Variants in NDE1 observed in about 807,000 individuals in gnomAD.
The protein encoded by NDE1 is nudE neurodevelopment protein 1.
In NDE1, 28 loss-of-function variants were observed where a neutral mutation model predicts 43.4. The ratio of observed to expected loss-of-function variants is 0.65; its 90% CI spans 0.48 to 0.89. NDE1 has a LOEUF of 0.89. Ranked by LOEUF, NDE1 falls within the 40% of genes least tolerant of loss-of-function variation. The pLI is 0.00. For synonymous variants in NDE1, 184 were observed against 172.0 expected (o/e 1.07, Z -0.55); for missense variants, 441 against 434.1 (o/e 1.02, Z -0.14).
intron 5 of NDE1, among the ~76,000 whole-genome samples, chr16:15,687,974 A>C (rs2038525762): frequency 6.6e-6 from 1 of 151,910 alleles, no homozygotes; most frequent in Non-Finnish European, 1.5e-5. Context: ...CAGGAGTTTG[A>C]GACCAGCCTG....
chr16:15,674,460 G>A (rs765770467), intron 3 of NDE1, among the ~76,000 whole-genome samples: 1 of 151,890 alleles, frequency 6.6e-6, no homozygotes, highest in Non-Finnish European at 1.5e-5. Context: ...TGTTGTCCAG[G>A]CTGGTCTTGA....
chr16:15,666,487 T>C (rs962673906), intron 2 of NDE1, among the ~76,000 whole-genome samples: 2 of 152,154 alleles, frequency 1.3e-5, no homozygotes, highest in African/African-American at 4.8e-5. Context: ...CATGTTCTTA[T>C]AGTCTCAGCT....
intron 1 of NDE1, among the ~76,000 whole-genome samples, chr16:15,663,262 C>T (rs527615933): frequency 1.2e-4 from 17 of 146,328 alleles, no homozygotes; most frequent in African/African-American, 2.0e-4. Context: ...TTTTTTGAGA[C>T]GGAGTCTCAT....
rs977827303 is a variant in NDE1, at chr16:15,672,690, G to C, written c.238-5111G>C. The C allele has an allele frequency of 2.6e-5, 4 of 152,316 alleles. No homozygotes were observed. In the East Asian group the frequency reaches 7.7e-4, roughly 29 times the overall value. 9.4% of individuals were successfully genotyped at this position (152,316 alleles called of 1,614,324 possible). On this transcript the variant is annotated intron_variant, in intron 3 of 8. Coordinates refer to ENST00000396354, the MANE Select transcript of NDE1 (RefSeq NM_017668.3). ...CAGCAACAGGTTTTCATGTCCACAG[G>C]TTCCGAGGAGATCTCTCAATCGCCA...
chr16:15,648,789 CAA>C (rs2036384298), upstream of NDE1, among the ~76,000 whole-genome samples: 1 of 152,086 alleles, frequency 6.6e-6, no homozygotes, highest in Non-Finnish European at 1.5e-5. Flanking sequence ...GCCTGGGCAA[CAA>C]GAGGGAAACT....
intron 7 of NDE1, chr16:15,695,794 A>G (rs1255248402): frequency 1.2e-6 from 1 of 816,612 alleles, no homozygotes; most frequent in African/African-American, 1.9e-5. Flanking sequence ...GCATTTCAGT[A>G]TTTAGCCTAG....
intron 4 of NDE1, among the ~76,000 whole-genome samples, chr16:15,685,611 T>C (rs1308726899): frequency 6.6e-6 from 1 of 152,162 alleles, no homozygotes; most frequent in Non-Finnish European, 1.5e-5. Flanking sequence ...CTAAAGACCC[T>C]GTGAGGGTAG....
Position 15,667,395 on chromosome 16 carries a change from C to T in NDE1, c.193C>T (p.Leu65=). The T allele has an allele frequency of 6.2e-7, 1 of 1,613,968 alleles. No individual in the cohort carries two copies. The highest frequency in any genetic ancestry group is 1.1e-5 in the South Asian group (1 of 91,074). ...QQIETRNRDL[L]SENNRLRMEL... ...AATTGAAACCAGGAACAGAGACCTCCTGTCCGAAAATAACCGCCTTCGCAT... is the reference window on the plus strand; with the variant it reads ...AATTGAAACCAGGAACAGAGACCTCTTGTCCGAAAATAACCGCCTTCGCAT... The change falls in exon 3 of 9, where the codon CTG becomes TTG. Residue 65 remains leucine (L), a synonymous_variant. Coordinates refer to ENST00000396354, the MANE Select transcript of NDE1 (RefSeq NM_017668.3).
At chr16:15,653,121 G>A (rs1336555668) in intron 1 of NDE1, among the ~76,000 whole-genome samples, 1 of 152,100 alleles carries the variant, frequency 6.6e-6, no homozygotes, top group Non-Finnish European at 1.5e-5. Flanking sequence ...CAGAGAGAGG[G>A]AAATAAACAA....
At chr16:15,659,991 C>T (rs531831614) in intron 1 of NDE1, among the ~76,000 whole-genome samples, 1 of 151,996 alleles carries the variant, frequency 6.6e-6, no homozygotes, top group Non-Finnish European at 1.5e-5. Flanking sequence ...TTGTGATCTG[C>T]CCGCCTCGGC....
intron 7 of NDE1, chr16:15,694,998 C>A: frequency 2.5e-6 from 2 of 801,204 alleles, no homozygotes; most frequent in Non-Finnish European, 3.0e-6. Flanking sequence ...TGGTGAAACC[C>A]CCTGCCCCGA....
intron 8 of NDE1, among the ~76,000 whole-genome samples, chr16:15,698,158 C>A (rs533575067): frequency 2.0e-5 from 3 of 152,178 alleles, no homozygotes; most frequent in Admixed American, 6.6e-5. Context: ...AACTTCTAGC[C>A]CAGACTATGT....
intron 1 of NDE1, among the ~76,000 whole-genome samples, chr16:15,652,293 G>T (rs1335238144): frequency 6.6e-6 from 1 of 152,094 alleles, no homozygotes; most frequent in African/African-American, 2.4e-5. Context: ...TCCTGCCTTG[G>T]CCTCCCACAG....
intron 8 of NDE1, chr16:15,721,612 A>T (rs2040488743): frequency 6.2e-7 from 1 of 1,613,988 alleles, no homozygotes; most frequent in Non-Finnish European, 8.5e-7. Context: ...TTTGGAAGAG[A>T]TGTTTTTCTC....
intron 3 of NDE1, among the ~76,000 whole-genome samples, chr16:15,673,886 T>C (rs902146988): frequency 6.6e-6 from 1 of 152,080 alleles, no homozygotes; most frequent in Non-Finnish European, 1.5e-5. Flanking sequence ...GTGATCTGGA[T>C]TGAGATGGTT....
intron 3 of NDE1, among the ~76,000 whole-genome samples, chr16:15,677,011 TG>T (rs1215247791): frequency 2.6e-5 from 4 of 152,106 alleles, no homozygotes; most frequent in Admixed American, 1.3e-4. Flanking sequence ...TGAAGAATGA[TG>T]GAGGCTATAG....
At chr16:15,669,652 G>A (rs182772671) in intron 3 of NDE1, among the ~76,000 whole-genome samples, 385 of 152,056 alleles carry the variant, frequency 2.5e-3, no homozygotes, top group Non-Finnish European at 4.8e-3. Context: ...GAGCCACCAC[G>A]CCCGGCTAAT....
chr16:15,677,200 C>A (rs993463000), intron 3 of NDE1, among the ~76,000 whole-genome samples: 1 of 152,072 alleles, frequency 6.6e-6, no homozygotes, highest in Non-Finnish European at 1.5e-5. Flanking sequence ...GTTGACTGAG[C>A]CTGGCTTGTC....
intron 4 of NDE1, among the ~76,000 whole-genome samples, chr16:15,678,185 TATTA>T (rs562797783): frequency 6.6e-5 from 10 of 152,196 alleles, no homozygotes; most frequent in East Asian, 1.9e-4. Context: ...TAATAGGATG[TATTA>T]ATTTGGCTGT....
Sources: allele counts gnomAD v4.1 joint callset (sites outside exome capture counted in the v4.1 genomes callset), GRCh38; gene constraint gnomAD v4.1.1; transcripts MANE v1.5; gene names NCBI Gene and HGNC (gene_info 2026-07-23, HGNC 2026-07-21).